MAST2: variants seen among roughly 807,000 people sequenced by gnomAD.
MAST2 encodes the protein microtubule associated serine/threonine kinase 2, also known as microtubule-associated serine/threonine-protein kinase 2.
In MAST2, 70 loss-of-function variants were observed where a neutral mutation model predicts 147.4. The ratio of observed to expected loss-of-function variants is 0.47; its 90% CI spans 0.39 to 0.58. The LOEUF (loss-of-function observed/expected upper bound fraction) is 0.58, where lower values mean the gene tolerates loss of function less well. Among genes scored for constraint, MAST2 ranks in the 20% least tolerant of loss-of-function variants. The probability of loss-of-function intolerance (pLI) is 0.00; values close to 1 mark genes in which losing one functional copy is unlikely to be tolerated. For synonymous variants in MAST2, 869 were observed against 896.8 expected (o/e 0.97, Z 0.55); for missense variants, 2,080 against 2,302.3 (o/e 0.90, Z 1.98).
intron 4 of MAST2, among the ~76,000 whole-genome samples, chr1:45,955,269 AAG>A (rs1179611500): frequency 6.6e-6 from 1 of 152,166 alleles, no homozygotes; most frequent in South Asian, 2.1e-4. Context: ...TCTTATATAA[AAG>A]AGCATACATA....
intron 16 of MAST2, among the ~76,000 whole-genome samples, chr1:46,027,492 C>T (rs1376982019): frequency 6.6e-6 from 1 of 152,132 alleles, no homozygotes; most frequent in Non-Finnish European, 1.5e-5. Context: ...GGGCAATAAG[C>T]AGAAATGGAG....
At chr1:46,026,975 A>G (rs1197937089) in intron 16 of MAST2, among the ~76,000 whole-genome samples, 1 of 152,186 alleles carries the variant, frequency 6.6e-6, no homozygotes, top group Non-Finnish European at 1.5e-5. Flanking sequence ...CAGGGGCCAG[A>G]ATATTTTTAA....
chr1:46,028,250 T>G (rs1459674551), intron 17 of MAST2, among the ~76,000 whole-genome samples: 1 of 152,198 alleles, frequency 6.6e-6, no homozygotes, highest in Non-Finnish European at 1.5e-5. Flanking sequence ...CATATAACTG[T>G]TAGCACAGAG....
At chr1:46,005,391 G>T (rs1213928013) in intron 7 of MAST2, among the ~76,000 whole-genome samples, 1 of 151,608 alleles carries the variant, frequency 6.6e-6, no homozygotes, top group Admixed American at 6.6e-5. Flanking sequence ...CCAGATCATT[G>T]ATTAGTTTGG....
intron 10 of MAST2, among the ~76,000 whole-genome samples, chr1:46,014,725 G>T (rs912418216): frequency 2.0e-5 from 3 of 151,944 alleles, no homozygotes; most frequent in African/African-American, 7.3e-5. Context: ...CAATAATAAT[G>T]GGAGACTTTA....
intron 20 of MAST2, 75 bp downstream of exon 20, chr1:46,030,028 G>T (rs1206770948): frequency 8.1e-6 from 13 of 1,606,170 alleles, no homozygotes; most frequent in Non-Finnish European, 1.0e-5. Context: ...CACTGAAATT[G>T]CATTGGGAGC....
intron 2 of MAST2, 38 bp from the exon 3 acceptor site, chr1:45,829,401 A>T: frequency 1.9e-6 from 3 of 1,565,188 alleles, no homozygotes; most frequent in Non-Finnish European, 2.6e-6. Context: ...TTATCAATAA[A>T]TAATTACATG....
Position 46,023,943 on chromosome 1 carries a change from C to G in MAST2, c.1743C>G (p.Thr581=), listed in dbSNP as rs757213894. 6.2e-7 allele frequency: 1 copy of G among 1,614,102 alleles called. No homozygotes were observed. The highest frequency in any genetic ancestry group is 8.5e-7 in the Non-Finnish European group (1 of 1,180,048). The change falls in exon 15 of 29, where the codon ACC becomes ACG. Residue 581 remains threonine (T), a synonymous_variant. Transcript: ENST00000361297. This position sits in a 1 kb window ranked among gnomAD's most constrained non-coding sequence, Gnocchi z 4.9. ...FVVSMFCSFD[T]KRHLCMVMEY... ...TCAGCATGTTCTGCTCCTTTGATAC[C>G]AAGCGCCACTTGTGCATGGTGATGG...
chr1:46,004,418 A>AT (rs34347793), intron 7 of MAST2, among the ~76,000 whole-genome samples: 7 of 151,138 alleles, frequency 4.6e-5, no homozygotes, highest in African/African-American at 1.7e-4. Context: ...CAAACAAGTG[A>AT]TTTTTTTAGA....
chr1:45,941,384 C>T (rs941728034), intron 4 of MAST2, among the ~76,000 whole-genome samples: 6 of 152,106 alleles, frequency 3.9e-5, no homozygotes, highest in Admixed American at 6.5e-5. Context: ...CTCAGCCTCC[C>T]GAGTAGCTGG....
chr1:45,874,663 T>A (rs980139712), intron 3 of MAST2, among the ~76,000 whole-genome samples: 1 of 152,220 alleles, frequency 6.6e-6, no homozygotes, highest in African/African-American at 2.4e-5. Context: ...GATTTATTCA[T>A]CCAGTATTCA....
At chr1:45,807,432 G>A (rs1337716317) in intron 1 of MAST2, among the ~76,000 whole-genome samples, 3 of 152,036 alleles carry the variant, frequency 2.0e-5, no homozygotes, top group Non-Finnish European at 2.9e-5. Context: ...GAACATCCTT[G>A]TAAAGTGAGC....
In MAST2 at chr1:45,868,070, G is replaced by A. The variant is rs566427619; in HGVS notation, c.469-14294G>A. On this transcript the variant is annotated intron_variant, in intron 3 of 28. Transcript: ENST00000361297. ...GGTAAAAGGACATCTGGGAGATTAT[G>A]TGTGAGCATCTTTTCTTTACACTGG... Among the ~76,000 whole-genome samples the A allele has an allele frequency of 1.1e-4, 17 of 152,352 alleles. No individual in the cohort carries two copies. The South Asian group carries it at 3.3e-3, about 30-fold the overall frequency.
Position 45,811,078 on chromosome 1 carries a change from C to T in MAST2, c.177+7006C>T, listed in dbSNP as rs1234912756. Reference sequence around the variant, plus strand: ...GTTGGTCAGGCTGGTCTCAAACTCCCGACCTCAAGTGATCCACCTGGCTCG... The same window carrying T: ...GTTGGTCAGGCTGGTCTCAAACTCCTGACCTCAAGTGATCCACCTGGCTCG... On this transcript the variant is annotated intron_variant, in intron 1 of 28. Coordinates refer to ENST00000361297, the MANE Select transcript of MAST2 (RefSeq NM_015112.3). Among the ~76,000 whole-genome samples the T allele has an allele frequency of 2.0e-5, 3 of 151,380 alleles. 1 individual carries two copies. The highest frequency in any genetic ancestry group is 4.8e-5 in the African/African-American group (2 of 41,296).
At chr1:45,915,181 C>G (rs905608195) in intron 4 of MAST2, among the ~76,000 whole-genome samples, 1 of 152,160 alleles carries the variant, frequency 6.6e-6, no homozygotes. Context: ...ATCCTCTTGC[C>G]TCAGCCTCTT....
intron 4 of MAST2, among the ~76,000 whole-genome samples, chr1:45,899,136 A>G (rs1649284282): frequency 6.6e-6 from 1 of 152,194 alleles, no homozygotes; most frequent in African/African-American, 2.4e-5. Flanking sequence ...TTCTTTGATC[A>G]GAGGAGTAGT....
chr1:45,834,129 T>C (rs1477092171), intron 3 of MAST2, among the ~76,000 whole-genome samples: 1 of 152,160 alleles, frequency 6.6e-6, no homozygotes, highest in South Asian at 2.1e-4. Flanking sequence ...CTATAGTACA[T>C]GGACCCAGCC....
Position 46,025,375 on chromosome 1 carries a change from C to T in MAST2, c.1781-302C>T, listed in dbSNP as rs571059996. ...ATCTCATGAGACTTATTCACTATCA[C>T]GAGAATAGCATGGGAAAGACCCACT... On this transcript the variant is annotated intron_variant, in intron 15 of 28. Coordinates refer to ENST00000361297, the MANE Select transcript of MAST2 (RefSeq NM_015112.3). Among the ~76,000 whole-genome samples the T allele has an allele frequency of 5.9e-5, 9 of 152,258 alleles. No individual in the cohort carries two copies. In the East Asian group the frequency reaches 1.2e-3, roughly 20 times the overall value.
At chr1:45,805,916 T>G (rs987667319) in intron 1 of MAST2, among the ~76,000 whole-genome samples, 1 of 152,258 alleles carries the variant, frequency 6.6e-6, no homozygotes, top group Non-Finnish European at 1.5e-5. Flanking sequence ...AAAATGAGTT[T>G]GTATTCAGTG....
Sources: gnomAD v4.1 joint callset for allele counts (sites outside exome capture counted in the v4.1 genomes callset) on GRCh38, gnomAD v4.1.1 for gene constraint, Gnocchi (gnomAD v3.1) non-coding constraint, MANE v1.5 for transcripts, NCBI Gene and HGNC (gene_info 2026-07-23, HGNC 2026-07-21) for gene names.